NRG4: variants seen among roughly 807,000 people sequenced by gnomAD.
NRG4 encodes pro-neuregulin-4, membrane-bound isoform.
NRG4 carries 10 observed loss-of-function variants against 15.0 expected under a neutral mutation model. That is an observed-to-expected ratio of 0.67 (90% CI 0.41 to 1.13). NRG4 has a LOEUF of 1.13. NRG4 is among the 50% of genes most tolerant of loss of function. The pLI is 0.00. For synonymous variants in NRG4, 41 were observed against 50.1 expected, an observed-to-expected ratio of 0.82 and a Z score of 0.77; for missense variants, 139 against 140.2, an observed-to-expected ratio of 0.99 and a Z score of 0.04.
intron 5 of NRG4, among the ~76,000 whole-genome samples, chr15:75,947,560 CA>C (rs2031607099): frequency 6.6e-6 from 1 of 152,188 alleles, no homozygotes; most frequent in African/African-American, 2.4e-5. Context: ...ACTGAAAAGA[CA>C]AGAACCAAGG....
intron 3 of NRG4, among the ~76,000 whole-genome samples, chr15:75,966,651 G>C (rs1233390135): frequency 1.3e-5 from 2 of 152,144 alleles, no homozygotes; most frequent in Non-Finnish European, 2.9e-5. Flanking sequence ...CACTTCACTT[G>C]GGCTGGTCTA....
intron 3 of NRG4, among the ~76,000 whole-genome samples, chr15:76,008,555 C>T (rs182218922): frequency 5.3e-5 from 8 of 152,144 alleles, no homozygotes; most frequent in East Asian, 1.9e-4. Flanking sequence ...TACTAAAAGA[C>T]GTTTATTATA....
Position 76,049,695 on chromosome 15 carries a change from G to A in NRG4, c.-105+2372C>T, listed in dbSNP as rs553995655. 1.8e-3 allele frequency among the ~76,000 whole-genome samples: 275 copies of A among 151,056 alleles called. 13 individuals carry two copies. Among genetic ancestry groups the A allele is most frequent in the African/African-American group, 6.6e-3 (267 of 40,604 alleles). The stretch of plus-strand genomic sequence containing the variant: ...TTTCTCCTCTTTCTCTGACTCAGTA[G>A]AAAGAACAACAGCCCTTTCCTTGCT... On this transcript the variant is annotated intron_variant, in intron 4 of 8. Transcript: ENST00000563910.
At chr15:75,952,916 A>G (rs1205511778) in intron 5 of NRG4, among the ~76,000 whole-genome samples, 2 of 152,206 alleles carry the variant, frequency 1.3e-5, no homozygotes, top group East Asian at 3.8e-4. Context: ...GATCATATGT[A>G]TAAGTCTCAT....
chr15:75,951,092 T>G (rs2141782776), intron 5 of NRG4: 1 of 153,908 alleles, frequency 6.5e-6, no homozygotes, highest in South Asian at 2.0e-4. Context: ...GACAGTTTCA[T>G]TATTTTCTCC....
intron 1 of NRG4, 117 bp from the exon 2 acceptor site, chr15:76,011,403 CATTT>C (rs1453609648): frequency 8.0e-6 from 4 of 498,284 alleles, no homozygotes; most frequent in African/African-American, 8.0e-5. Flanking sequence ...ATAATAAAGA[CATTT>C]ATATACTAGG....
Position 75,955,955 on chromosome 15 carries a change from G to A in NRG4, c.308C>T (p.Thr103Met), listed in dbSNP as rs529795850. 20 of 1,608,980 alleles carry A rather than the reference G, an allele frequency of 1.2e-5. No homozygotes were observed. Among genetic ancestry groups the A allele is most frequent in the South Asian group, 6.6e-5 (6 of 90,958 alleles). ...ACTGTGGTGGGCACTGGTACTGCTC[G>A]TCTCTACCAGGTTGATATCATACTG... is the stretch of plus-strand genomic sequence containing the variant. ...SVQYDINLVETSSTSAHHSHE... is the reference protein window; with the variant it reads ...SVQYDINLVEMSSTSAHHSHE... The change falls in exon 5 of 6, where the codon ACG becomes ATG. Residue 103 changes from threonine (T) to methionine (M), a missense_variant. Transcript: ENST00000394907.
chr15:76,017,051 T>A (rs918699253), upstream of NRG4, among the ~76,000 whole-genome samples: 1 of 152,092 alleles, frequency 6.6e-6, no homozygotes, highest in Admixed American at 6.6e-5. Context: ...ATCTCTTCTT[T>A]CTGCATTGAT....
At chr15:75,951,404 G>A (rs2031897734) in intron 5 of NRG4, among the ~76,000 whole-genome samples, 1 of 152,018 alleles carries the variant, frequency 6.6e-6, no homozygotes, top group Non-Finnish European at 1.5e-5. Flanking sequence ...CTGACCTCAA[G>A]TGGTCTGCCC....
intron 3 of NRG4, among the ~76,000 whole-genome samples, chr15:75,965,876 C>T (rs1301993943): frequency 3.3e-5 from 5 of 152,190 alleles, no homozygotes; most frequent in South Asian, 2.1e-4. Flanking sequence ...AACTACGTAG[C>T]TCTCAGTCTT....
chr15:76,048,234 G>A (rs1029483641), intron 4 of NRG4, among the ~76,000 whole-genome samples: 4 of 150,428 alleles, frequency 2.7e-5, no homozygotes, highest in Non-Finnish European at 5.9e-5. Context: ...CACTTTGGGA[G>A]GCCGAGGCAG....
chr15:76,038,843 C>A (rs1368703645), intron 4 of NRG4, among the ~76,000 whole-genome samples: 2 of 152,230 alleles, frequency 1.3e-5, no homozygotes, highest in African/African-American at 4.8e-5. Context: ...TAACCCAGCA[C>A]AGTCCCACTG....
At chr15:75,950,233 TTAA>T (rs1363132377) in intron 5 of NRG4, among the ~76,000 whole-genome samples, 1 of 152,230 alleles carries the variant, frequency 6.6e-6, no homozygotes, top group African/African-American at 2.4e-5. Flanking sequence ...GATTCTATCA[TTAA>T]TAATTTTTTT....
chr15:76,025,054 G>T (rs2141933200), intron 5 of NRG4, among the ~76,000 whole-genome samples: 1 of 152,274 alleles, frequency 6.6e-6, no homozygotes, highest in South Asian at 2.1e-4. Flanking sequence ...TAATTCTCCA[G>T]TAAGATTCCA....
intron 5 of NRG4, among the ~76,000 whole-genome samples, chr15:75,954,692 T>C (rs2141795668): frequency 6.6e-6 from 1 of 152,212 alleles, no homozygotes; most frequent in East Asian, 1.9e-4. Flanking sequence ...CCCAAAGTGT[T>C]GGGATTACAG....
intron 4 of NRG4, chr15:75,959,169 G>C (rs911645083): frequency 2.5e-6 from 1 of 400,358 alleles, no homozygotes; most frequent in African/African-American, 2.1e-5. Flanking sequence ...AAATTGTTTT[G>C]TACAGACGGG....
chr15:76,004,878 G>A (rs988543341), intron 3 of NRG4, among the ~76,000 whole-genome samples: 1 of 152,042 alleles, frequency 6.6e-6, no homozygotes, highest in Non-Finnish European at 1.5e-5. Flanking sequence ...GAACGATATA[G>A]GGGTTAGGGG....
intron 5 of NRG4, among the ~76,000 whole-genome samples, chr15:75,948,605 G>A (rs935232078): frequency 6.6e-6 from 1 of 150,440 alleles, no homozygotes; most frequent in Non-Finnish European, 1.5e-5. Context: ...CCCGGCCCTA[G>A]TTAATTTTTG....
chr15:76,028,584 C>G (rs9635323), intron 5 of NRG4, among the ~76,000 whole-genome samples: 3 of 151,206 alleles, frequency 2.0e-5, no homozygotes, highest in African/African-American at 4.9e-5. Flanking sequence ...AGTAATTCTT[C>G]TCAAACTGTT....
Sources: gnomAD v4.1 joint callset for allele counts (sites outside exome capture counted in the v4.1 genomes callset) on GRCh38, gnomAD v4.1.1 for gene constraint, MANE v1.5 for transcripts, NCBI Gene and HGNC (gene_info 2026-07-23, HGNC 2026-07-21) for gene names.